KIRREL1: variants seen among roughly 807,000 people sequenced by gnomAD.
KIRREL1 encodes kin of IRRE-like protein 1.
In KIRREL1, 25 loss-of-function variants were observed where a neutral mutation model predicts 83.3. The ratio of observed to expected loss-of-function variants is 0.30; its 90% CI spans 0.22 to 0.42. KIRREL1 has a LOEUF of 0.42. Among genes scored for constraint, KIRREL1 ranks in the 10% least tolerant of loss-of-function variants. The pLI, the probability that KIRREL1 is intolerant of heterozygous loss-of-function variation, is 1.00. For missense variants in KIRREL1, 812 were observed against 1,032.3 expected (o/e 0.79, Z 2.92); for synonymous variants, 388 against 410.4 (o/e 0.95, Z 0.66).
chr1:158,091,232 C>T (rs1270931315), intron 10 of KIRREL1, 126 bp from the exon 11 acceptor site: 5 of 800,398 alleles, frequency 6.2e-6, no homozygotes, highest in African/African-American at 1.7e-5. Flanking sequence ...AGGTGTTAGG[C>T]TGGGCTTGTG....
chr1:158,045,561 C>T (rs1660757205), intron 1 of KIRREL1, among the ~76,000 whole-genome samples: 2 of 152,140 alleles, frequency 1.3e-5, no homozygotes, highest in Non-Finnish European at 2.9e-5. Flanking sequence ...TGAGAGGGTC[C>T]CAAGCATGGA....
rs139886740 is a variant in KIRREL1 at position 158,091,388 on chromosome 1, G to A, written c.1303G>A (p.Val435Met). 1.7e-4 allele frequency: 272 copies of A among 1,614,040 alleles called. No individual in the cohort carries two copies. The highest frequency in any genetic ancestry group is 2.2e-4 in the Non-Finnish European group (257 of 1,180,036). Residue 435 changes from valine to methionine, a missense_variant, in exon 11 of 15, where the codon GTG becomes ATG. Coordinates refer to ENST00000359209, the MANE Select transcript of KIRREL1 (RefSeq NM_018240.7). ...GGCCTGGAAGGAGAACTTCTTGGAG[G>A]TGGGGACCCTGGAACGCTATACAGT... ...AWAWKENFLE[V>M]GTLERYTVER...
chr1:158,044,602 G>A (rs112978287), intron 1 of KIRREL1, among the ~76,000 whole-genome samples: 1,979 of 152,250 alleles, frequency 0.013, 46 homozygotes, highest in African/African-American at 0.045. Flanking sequence ...GGATTCAAGC[G>A]ATTCTCATAC....
At chr1:158,083,190 G>A (rs1004880874) in intron 3 of KIRREL1, among the ~76,000 whole-genome samples, 1 of 152,198 alleles carries the variant, frequency 6.6e-6, no homozygotes, top group African/African-American at 2.4e-5. Flanking sequence ...TAAACATTTA[G>A]CAAGAGCCTA....
chr1:158,027,599 G>C (rs1660208311), intron 1 of KIRREL1, among the ~76,000 whole-genome samples: 1 of 152,230 alleles, frequency 6.6e-6, no homozygotes, highest in South Asian at 2.1e-4. Context: ...TTAGCATACA[G>C]AAAGACACTT....
intron 1 of KIRREL1, among the ~76,000 whole-genome samples, chr1:158,021,066 A>G (rs1213186629): frequency 1.3e-5 from 2 of 152,134 alleles, no homozygotes; most frequent in African/African-American, 2.4e-5. Flanking sequence ...TGATGGTCCC[A>G]CCCTCAGCAG....
chr1:158,058,717 GA>G (rs1661132877), intron 1 of KIRREL1, among the ~76,000 whole-genome samples: 1 of 152,156 alleles, frequency 6.6e-6, no homozygotes, highest in African/African-American at 2.4e-5. Flanking sequence ...CTTGGTTAGG[GA>G]GACATCTCTT....
intron 1 of KIRREL1, among the ~76,000 whole-genome samples, chr1:158,038,734 G>T (rs1660543194): frequency 1.3e-5 from 2 of 152,216 alleles, no homozygotes; most frequent in African/African-American, 4.8e-5. Flanking sequence ...GGTTCCAAAG[G>T]GTCTGAGGAG....
chr1:158,040,124 A>T (rs756419019), intron 1 of KIRREL1, among the ~76,000 whole-genome samples: 19 of 152,342 alleles, frequency 1.2e-4, no homozygotes, highest in Non-Finnish European at 2.4e-4. Context: ...CTAGGGGCAT[A>T]ACATAATCCT....
chr1:158,028,991 G>A (rs1455093218), intron 1 of KIRREL1, among the ~76,000 whole-genome samples: 1 of 152,138 alleles, frequency 6.6e-6, no homozygotes, highest in Non-Finnish European at 1.5e-5. Flanking sequence ...GTGGTCATCT[G>A]TTCAAACCTT....
chr1:158,017,822 T>A (rs2101647824), intron 1 of KIRREL1, among the ~76,000 whole-genome samples: 1 of 151,672 alleles, frequency 6.6e-6, no homozygotes, highest in East Asian at 1.9e-4. Flanking sequence ...GCCCTCCCTC[T>A]CAATCTCTCA....
At chr1:158,014,107 A>G (rs1360697364) in intron 1 of KIRREL1, among the ~76,000 whole-genome samples, 1 of 151,942 alleles carries the variant, frequency 6.6e-6, no homozygotes, top group African/African-American at 2.4e-5. Context: ...AGGAAATGAG[A>G]GAATGAGGTG....
chr1:158,059,028 G>A (rs1172413691), intron 1 of KIRREL1, among the ~76,000 whole-genome samples: 3 of 152,170 alleles, frequency 2.0e-5, no homozygotes, highest in Non-Finnish European at 1.5e-5. Context: ...GGGCAGATAG[G>A]AAGTGTCTAC....
At chr1:158,008,021 G>A (rs969337173) in intron 1 of KIRREL1, among the ~76,000 whole-genome samples, 9 of 152,094 alleles carry the variant, frequency 5.9e-5, no homozygotes, top group Non-Finnish European at 8.8e-5. Context: ...AAGCAAAGCC[G>A]GGAGGCCCCC....
At chr1:158,046,935 G>A (rs1160137719) in intron 1 of KIRREL1, among the ~76,000 whole-genome samples, 1 of 152,132 alleles carries the variant, frequency 6.6e-6, no homozygotes. Flanking sequence ...CAACAGAGAG[G>A]TTTTAAGAGA....
At chr1:158,081,423 G>A (rs1661852158) in intron 3 of KIRREL1, among the ~76,000 whole-genome samples, 1 of 152,142 alleles carries the variant, frequency 6.6e-6, no homozygotes, top group African/African-American at 2.4e-5. Flanking sequence ...AGTTATTGTC[G>A]ATCCCACCAC....
chr1:158,087,851 T>C lies in KIRREL1; in HGVS notation c.758T>C (p.Leu253Ser). The C allele has an allele frequency of 6.2e-7, 1 of 1,613,670 alleles. No individual in the cohort carries two copies. The highest frequency in any genetic ancestry group is 8.5e-7 in the Non-Finnish European group (1 of 1,179,812). The change falls in exon 6 of 15, where the codon TTG (leucine) becomes TCG (serine). Residue 253 changes from leucine to serine, a missense_variant. This residue lies in a region of KIRREL1 where 472 missense variants were observed against 626.8 expected (regional missense o/e 0.75). Coordinates refer to ENST00000359209, the MANE Select transcript of KIRREL1 (RefSeq NM_018240.7). ...CAGGCCACAGCCAACCCCGAGATCT[T>C]GGGCTACAGGTGAGGGGGTCAGAGG... ...TCQATANPEI[L>S]GYRWAKGGFL...
chr1:157,998,838 C>T lies in KIRREL1; in HGVS notation c.52+5110C>T, dbSNP rs150241058. ...GTGAAAAGTGATTGTAGGAGGTGAA[C>T]TCCATACCAAAGCATCAAAATTACC... On this transcript the variant is annotated intron_variant, in intron 1 of 14. Transcript: ENST00000359209. Among the ~76,000 whole-genome samples the T allele has an allele frequency of 1.3e-3, 193 of 152,338 alleles. 1 individual carries two copies. Among genetic ancestry groups the T allele is most frequent in the Admixed American group, 1.9e-3 (29 of 15,302 alleles).
At chr1:158,028,325 C>G (rs1470380819) in intron 1 of KIRREL1, among the ~76,000 whole-genome samples, 1 of 152,240 alleles carries the variant, frequency 6.6e-6, no homozygotes, top group Non-Finnish European at 1.5e-5. Context: ...CTTGAATAAA[C>G]CCTCCCTAAT....
Sources: allele counts gnomAD v4.1 joint callset (sites outside exome capture counted in the v4.1 genomes callset), GRCh38; gene constraint gnomAD v4.1.1; regional missense constraint gnomAD v4.1.1; transcripts MANE v1.5; gene names NCBI Gene and HGNC (gene_info 2026-07-23, HGNC 2026-07-21).